The following STIM1 variants were observed in gnomAD, a reference collection of about 807,000 sequenced individuals.
STIM1 encodes the protein stromal interaction molecule 1.
STIM1 carries 25 observed loss-of-function variants against 74.7 expected under a neutral mutation model. The observed-to-expected ratio is 0.33, with a 90% CI of 0.24 to 0.47. The LOEUF (loss-of-function observed/expected upper bound fraction) is 0.47, where lower values mean the gene tolerates loss of function less well. Among genes scored for constraint, STIM1 ranks in the 20% least tolerant of loss-of-function variants. The probability of loss-of-function intolerance (pLI) is 1.00; values close to 1 mark genes in which losing one functional copy is unlikely to be tolerated. For synonymous variants in STIM1, 328 were observed against 348.8 expected (o/e 0.94, Z 0.66); for missense variants, 728 against 920.8 (o/e 0.79, Z 2.71).
intron 2 of STIM1, among the ~76,000 whole-genome samples, chr11:4,023,196 G>T (rs1199147035): frequency 6.6e-6 from 1 of 152,084 alleles, no homozygotes; most frequent in Non-Finnish European, 1.5e-5. Flanking sequence ...GGGTCGGGTG[G>T]CACACACCTG....
chr11:3,968,017 A>G (rs17280011), intron 2 of STIM1, among the ~76,000 whole-genome samples: 1,757 of 152,338 alleles, frequency 0.012, 15 homozygotes, highest in Middle Eastern at 0.02. Flanking sequence ...CAATCCTGCT[A>G]TAGATGGAGG....
At chr11:4,047,201 C>T (rs2094200016) in intron 3 of STIM1, among the ~76,000 whole-genome samples, 1 of 152,138 alleles carries the variant, frequency 6.6e-6, no homozygotes, top group Non-Finnish European at 1.5e-5. Flanking sequence ...GAAATTAGAC[C>T]AGGTCTGATG....
chr11:3,856,496 G>T (rs2135172171), intron 1 of STIM1, 87 bp downstream of exon 1: 4 of 1,502,690 alleles, frequency 2.7e-6, no homozygotes, highest in East Asian at 2.3e-5. Flanking sequence ...ATCTAGGTTT[G>T]TACATGTGAG....
chr11:4,005,804 G>A (rs2093774123), intron 2 of STIM1, among the ~76,000 whole-genome samples: 1 of 152,108 alleles, frequency 6.6e-6, no homozygotes, highest in Non-Finnish European at 1.5e-5. Context: ...GACGTACAAA[G>A]ATAAGTGAGA....
intron 3 of STIM1, among the ~76,000 whole-genome samples, chr11:4,028,284 G>T (rs1401095421): frequency 4.6e-5 from 7 of 151,986 alleles, no homozygotes; most frequent in African/African-American, 1.7e-4. Flanking sequence ...GTTTTACCAT[G>T]TTGGCTAGGC....
chr11:4,077,983 T>C (rs532886578), intron 7 of STIM1, among the ~76,000 whole-genome samples: 15 of 152,354 alleles, frequency 9.8e-5, no homozygotes, highest in African/African-American at 3.6e-4. Flanking sequence ...CCTTGTCTTA[T>C]AATTCTTACA....
chr11:3,937,050 A>T (rs1223811254), intron 1 of STIM1, among the ~76,000 whole-genome samples: 1 of 152,064 alleles, frequency 6.6e-6, no homozygotes, highest in East Asian at 1.9e-4. Context: ...CCACGTCTGT[A>T]ATCCCATCAC....
chr11:3,988,304 T>A (rs1414136448), intron 2 of STIM1, among the ~76,000 whole-genome samples: 1 of 152,204 alleles, frequency 6.6e-6, no homozygotes, highest in Non-Finnish European at 1.5e-5. Flanking sequence ...ATCAGCAAAC[T>A]GTTTTTTTCG....
intron 1 of STIM1, among the ~76,000 whole-genome samples, chr11:3,891,980 C>T (rs1039833023): frequency 2.0e-5 from 3 of 152,180 alleles, no homozygotes; most frequent in African/African-American, 7.2e-5. Context: ...CTAGATTTGG[C>T]CTGAGGGCCT....
intron 1 of STIM1, among the ~76,000 whole-genome samples, chr11:3,956,474 A>G (rs1008024078): frequency 1.3e-5 from 2 of 152,176 alleles, no homozygotes; most frequent in African/African-American, 4.8e-5. Flanking sequence ...TGTGATGTCT[A>G]CTAGGTAGAT....
At chr11:3,944,288 T>A (rs550019354) in intron 1 of STIM1, among the ~76,000 whole-genome samples, 1 of 152,352 alleles carries the variant, frequency 6.6e-6, no homozygotes, top group Non-Finnish European at 1.5e-5. Flanking sequence ...TTTAAAGATT[T>A]GTATGCTGTG....
At chr11:3,903,109 AC>A (rs1194624199) in intron 1 of STIM1, among the ~76,000 whole-genome samples, 1 of 152,186 alleles carries the variant, frequency 6.6e-6, no homozygotes, top group Non-Finnish European at 1.5e-5. Context: ...CTTTGTACCA[AC>A]CCTATGAAAG....
At chr11:4,035,266 GTT>G (rs55788240) in intron 3 of STIM1, among the ~76,000 whole-genome samples, 2 of 136,608 alleles carry the variant, frequency 1.5e-5, no homozygotes, top group African/African-American at 5.4e-5. Context: ...GGTGTATTGT[GTT>G]TTTTTTTTTT....
chr11:4,088,623 AGT>A, intron 12 of STIM1: 1 of 1,320,486 alleles, frequency 7.6e-7, no homozygotes, highest in Non-Finnish European at 1.1e-6. Context: ...AGCTGAGGGC[AGT>A]GGGGAGGAAG....
At chr11:3,981,492 G>A (rs1418140189) in intron 2 of STIM1, among the ~76,000 whole-genome samples, 8 of 152,076 alleles carry the variant, frequency 5.3e-5, no homozygotes, top group Non-Finnish European at 7.4e-5. Context: ...TTTTGAATTC[G>A]AAAACAAAGA....
intron 1 of STIM1, chr11:3,947,545 C>T (rs530342225): frequency 1.8e-4 from 28 of 152,190 alleles, no homozygotes; most frequent in African/African-American, 6.5e-4. Context: ...GTTTTTTCCA[C>T]ATACTCCATC....
intron 2 of STIM1, among the ~76,000 whole-genome samples, chr11:3,982,584 C>T (rs1018871943): frequency 6.6e-6 from 1 of 152,066 alleles, no homozygotes; most frequent in Non-Finnish European, 1.5e-5. Flanking sequence ...CTGAGACAGA[C>T]AGTAATTTTT....
chr11:3,899,018 T>C (rs2092272530), intron 1 of STIM1, among the ~76,000 whole-genome samples: 1 of 152,142 alleles, frequency 6.6e-6, no homozygotes, highest in Admixed American at 6.5e-5. Flanking sequence ...TGGTTCCACA[T>C]GAACTTTAAA....
At chr11:4,048,396 A>G (rs2094210843) in intron 3 of STIM1, among the ~76,000 whole-genome samples, 1 of 152,242 alleles carries the variant, frequency 6.6e-6, no homozygotes, top group Non-Finnish European at 1.5e-5. Context: ...GTGTAAACAA[A>G]AACAGATTTA....
Sources: gnomAD v4.1 joint callset for allele counts (sites outside exome capture counted in the v4.1 genomes callset) on GRCh38, gnomAD v4.1.1 for gene constraint, MANE v1.5 for transcripts, NCBI Gene and HGNC (gene_info 2026-07-23, HGNC 2026-07-21) for gene names.